Variants in NEK6 observed in about 807,000 individuals in gnomAD.
NEK6 encodes the protein serine/threonine-protein kinase Nek6.
NEK6 carries 27 observed loss-of-function variants against 43.5 expected under a neutral mutation model. That is an observed-to-expected ratio of 0.62 (90% confidence interval 0.46 to 0.86). The LOEUF (loss-of-function observed/expected upper bound fraction) is 0.86. NEK6 is among the 40% of genes least tolerant of loss of function. NEK6 has a pLI of 0.00. For missense variants in NEK6, 318 were observed against 414.4 expected (o/e 0.77, Z 2.02); for synonymous variants, 167 against 164.1 (o/e 1.02, Z -0.14).
intron 2 of NEK6, among the ~76,000 whole-genome samples, chr9:124,308,383 A>G (rs533348182): frequency 6.6e-6 from 1 of 152,182 alleles, no homozygotes; most frequent in East Asian, 1.9e-4. Flanking sequence ...TGGGTGAGGT[A>G]GCTCACACCT....
intron 4 of NEK6, among the ~76,000 whole-genome samples, chr9:124,315,718 C>T (rs1044648868): frequency 6.6e-6 from 1 of 152,224 alleles, no homozygotes; most frequent in Non-Finnish European, 1.5e-5. Context: ...TGTGCCACCG[C>T]AGCCCCTGCC....
At chr9:124,292,351 T>C in intron 1 of NEK6, 1 of 1,488,818 alleles carries the variant, frequency 6.7e-7, no homozygotes, top group South Asian at 1.3e-5. Flanking sequence ...CATTGAGTAA[T>C]CCCTGGGCTT....
Position 124,343,932 on chromosome 9 carries a change from C to T in NEK6, c.718-3777C>T, listed in dbSNP as rs1829785146. Among the ~76,000 whole-genome samples, 1 of 152,224 alleles carries T rather than the reference C, an allele frequency of 6.6e-6. No homozygotes were observed. The highest frequency in any genetic ancestry group is 1.5e-5 in the Non-Finnish European group (1 of 68,036). On this transcript the variant is annotated intron_variant, in intron 8 of 9. Coordinates refer to ENST00000320246, the MANE Select transcript of NEK6 (RefSeq NM_014397.6). The surrounding 1 kb of genome is among the most constrained non-coding windows in gnomAD (Gnocchi z 5.1). ...GCTTCAAGCAACATAAGTTTACTCTCTTAGATCTCGAGGATTCTGGAGGCC... is the reference window on the plus strand; with the variant it reads ...GCTTCAAGCAACATAAGTTTACTCTTTTAGATCTCGAGGATTCTGGAGGCC...
At chr9:124,312,455 C>T in intron 2 of NEK6, 54 bp from the exon 3 acceptor site, 1 of 1,576,834 alleles carries the variant, frequency 6.3e-7, no homozygotes, top group Middle Eastern at 1.8e-4. Context: ...GGGTCGTCCC[C>T]AGGCCTCTGC....
chr9:124,302,669 C>T (rs1322789288), intron 2 of NEK6, among the ~76,000 whole-genome samples: 1 of 152,250 alleles, frequency 6.6e-6, no homozygotes, highest in Non-Finnish European at 1.5e-5. Context: ...GCCTGGCACG[C>T]CCTCTCTGAC....
intron 5 of NEK6, among the ~76,000 whole-genome samples, chr9:124,323,295 G>A (rs906214334): frequency 2.6e-5 from 4 of 152,196 alleles, no homozygotes; most frequent in Admixed American, 6.5e-5. Flanking sequence ...AAGCAGAAAC[G>A]GTCCCACAGG....
At chr9:124,350,340 C>CAGA (rs1830188261) in intron 9 of NEK6, among the ~76,000 whole-genome samples, 1 of 150,388 alleles carries the variant, frequency 6.6e-6, no homozygotes, top group African/African-American at 2.5e-5. Context: ...GAGCAGCCTT[C>CAGA]AGTGTCTGTA....
chr9:124,293,329 C>T (rs541472222), intron 1 of NEK6, among the ~76,000 whole-genome samples: 4 of 152,304 alleles, frequency 2.6e-5, no homozygotes, highest in Admixed American at 6.5e-5. Context: ...CTGCAGTGCC[C>T]GACACAGAGG....
At chr9:124,290,689 G>A (rs1183856542) in intron 1 of NEK6, among the ~76,000 whole-genome samples, 7 of 152,220 alleles carry the variant, frequency 4.6e-5, no homozygotes, top group South Asian at 2.1e-4. Flanking sequence ...ACTGGGTGGC[G>A]GGGGGTCTGT....
At chr9:124,306,567 C>G (rs1833265236) in intron 2 of NEK6, among the ~76,000 whole-genome samples, 1 of 152,132 alleles carries the variant, frequency 6.6e-6, no homozygotes, top group African/African-American at 2.4e-5. Context: ...ACTCAATGCT[C>G]TATTTTGCAG....
At chr9:124,299,737 GCT>G (rs1397308532) in intron 1 of NEK6, among the ~76,000 whole-genome samples, 1 of 152,114 alleles carries the variant, frequency 6.6e-6, no homozygotes, top group Non-Finnish European at 1.5e-5. Flanking sequence ...ATCTGACAGT[GCT>G]CTGTGTGCAC....
At chr9:124,347,860 G>A (rs1253187188) in intron 9 of NEK6, 38 bp downstream of exon 9, 3 of 1,305,750 alleles carry the variant, frequency 2.3e-6, no homozygotes, top group Non-Finnish European at 3.3e-6. Flanking sequence ...CCAGCCCCAG[G>A]AGGCCACCGA....
intron 1 of NEK6, among the ~76,000 whole-genome samples, chr9:124,295,744 C>G (rs1407166694): frequency 6.6e-6 from 1 of 152,228 alleles, no homozygotes; most frequent in Non-Finnish European, 1.5e-5. Flanking sequence ...GGCTGTTATT[C>G]TGGTGCTCCC....
intron 1 of NEK6, among the ~76,000 whole-genome samples, chr9:124,288,789 C>G (rs1271757778): frequency 6.6e-6 from 1 of 152,052 alleles, no homozygotes; most frequent in Non-Finnish European, 1.5e-5. Flanking sequence ...ATGGAGGCAG[C>G]ACCGAATTTG....
At chr9:124,341,623 G>A (rs1284661162) in intron 8 of NEK6, among the ~76,000 whole-genome samples, 1 of 152,176 alleles carries the variant, frequency 6.6e-6, no homozygotes, top group Non-Finnish European at 1.5e-5. Context: ...TAGTGGATGG[G>A]GAAGGGGCCT....
Position 124,326,202 on chromosome 9 carries a change from T to TCCCACCCCCCCCCCCCC in NEK6, c.406-125_406-124insACCCCCCCCCCCCCCCC. 8.1e-6 allele frequency: 1 copy of TCCCACCCCCCCCCCCCC among 124,052 alleles called. No homozygotes were observed. The highest frequency in any genetic ancestry group is 2.0e-5 in the Non-Finnish European group (1 of 50,618). The allele number at this position is 124,052 out of a possible 1,614,324, so 7.7% of individuals were successfully genotyped here. On this transcript the variant is annotated intron_variant, in intron 5 of 9. Transcript: ENST00000320246. The surrounding 1 kb of genome is among the most constrained non-coding windows in gnomAD (Gnocchi z 4.5). ...GCTTATTGTTTGCTCAGTGGCTCAA[T>TCCCACCCCCCCCCCCCC]CCCCCCCCCCCGCCCCTGCCAGGCA...
chr9:124,350,755 C>A, intron 9 of NEK6, 82 bp from the exon 10 acceptor site: 1 of 937,766 alleles, frequency 1.1e-6, no homozygotes, highest in Non-Finnish European at 1.7e-6. Context: ...GGATGAAGTG[C>A]CTTCATGCAG....
intron 2 of NEK6, among the ~76,000 whole-genome samples, chr9:124,312,249 A>G (rs187028612): frequency 2.4e-4 from 37 of 152,266 alleles, no homozygotes; most frequent in Admixed American, 2.3e-3. Flanking sequence ...GCAGTCAGAC[A>G]ATGAAGGTGG....
chr9:124,322,932 C>T (rs1253888298), intron 5 of NEK6, among the ~76,000 whole-genome samples: 2 of 152,242 alleles, frequency 1.3e-5, no homozygotes, highest in South Asian at 2.1e-4. Flanking sequence ...AATGCCTTTG[C>T]AGGGATGTTA....
Sources: gnomAD v4.1 joint callset for allele counts (sites outside exome capture counted in the v4.1 genomes callset) on GRCh38, gnomAD v4.1.1 for gene constraint, Gnocchi (gnomAD v3.1) non-coding constraint, MANE v1.5 for transcripts, NCBI Gene and HGNC (gene_info 2026-07-23, HGNC 2026-07-21) for gene names.